The following RAP1GAP2 variants were observed in gnomAD, a reference collection of about 807,000 sequenced individuals.
RAP1GAP2 encodes rap1 GTPase-activating protein 2.
In RAP1GAP2, 27 loss-of-function variants were observed where a neutral mutation model predicts 95.0. That is an observed-to-expected ratio of 0.28 (90% confidence interval 0.21 to 0.39). RAP1GAP2 has a LOEUF of 0.39. RAP1GAP2 is among the 10% of genes least tolerant of loss of function. The probability of loss-of-function intolerance (pLI) is 1.00; values close to 1 mark genes in which losing one functional copy is unlikely to be tolerated. For synonymous variants in RAP1GAP2, 373 were observed against 380.9 expected (o/e 0.98, Z 0.24); for missense variants, 771 against 970.0 (o/e 0.79, Z 2.72).
intron 2 of RAP1GAP2, chr17:2,770,565 C>T (rs190153102): frequency 2.5e-6 from 1 of 397,190 alleles, no homozygotes; most frequent in East Asian, 3.6e-5. Flanking sequence ...ACTTTGCCCT[C>T]AGTGATGGGG....
At chr17:2,901,577 A>G (rs2042027790) in intron 2 of RAP1GAP2, among the ~76,000 whole-genome samples, 1 of 152,168 alleles carries the variant, frequency 6.6e-6, no homozygotes, top group Admixed American at 6.6e-5. Context: ...AGAAGTTGTC[A>G]CCTCGGCTAA....
In RAP1GAP2 at chr17:2,965,267, T is replaced by A; in HGVS notation, c.493-273T>A. 2.1e-6 allele frequency: 1 copy of A among 471,914 alleles called. No individual in the cohort carries two copies. Among genetic ancestry groups the A allele is most frequent in the South Asian group, 2.5e-5 (1 of 40,012 alleles). 29.2% of individuals were successfully genotyped at this position (471,914 alleles called of 1,614,324 possible). The stretch of plus-strand genomic sequence containing the variant: ...GTGACTTAACCCCCCGACCATTGGT[T>A]TTCCCATCTGTGAAATGGGGATGAT... On this transcript the variant is annotated intron_variant, in intron 7 of 24. Coordinates refer to ENST00000254695, the MANE Select transcript of RAP1GAP2 (RefSeq NM_015085.5). This position sits in a 1 kb window ranked among gnomAD's most constrained non-coding sequence, Gnocchi z 4.7.
chr17:2,851,844 G>A (rs1011413510), intron 2 of RAP1GAP2, among the ~76,000 whole-genome samples: 1 of 152,152 alleles, frequency 6.6e-6, no homozygotes, highest in Non-Finnish European at 1.5e-5. Flanking sequence ...GCCTTCCAAA[G>A]TGCTGGGATT....
intron 3 of RAP1GAP2, among the ~76,000 whole-genome samples, chr17:2,941,035 C>T (rs927653497): frequency 6.6e-6 from 1 of 152,132 alleles, no homozygotes; most frequent in Non-Finnish European, 1.5e-5. Context: ...CTCTCTGGAC[C>T]CTGGCAGGGT....
chr17:3,032,541 C>A, intron 24 of RAP1GAP2, 92 bp downstream of exon 24: 1 of 1,278,676 alleles, frequency 7.8e-7, no homozygotes, highest in Non-Finnish European at 1.1e-6. Context: ...CTCAGAATGG[C>A]CGGAGAGATG....
At chr17:3,031,121 C>T (rs2047277359) in intron 23 of RAP1GAP2, 123 bp downstream of exon 23, 11 of 1,108,362 alleles carry the variant, frequency 9.9e-6, no homozygotes, top group Non-Finnish European at 1.4e-5. Context: ...GCAGGGGAAG[C>T]TCTGGGGACG....
chr17:2,807,945 C>T (rs1057188154), intron 2 of RAP1GAP2, among the ~76,000 whole-genome samples: 2 of 152,184 alleles, frequency 1.3e-5, no homozygotes, highest in African/African-American at 4.8e-5. Flanking sequence ...AGACCCTCCG[C>T]TGGCCTGCGC....
At chr17:2,933,080 C>T (rs1439685643) in intron 3 of RAP1GAP2, among the ~76,000 whole-genome samples, 1 of 152,202 alleles carries the variant, frequency 6.6e-6, no homozygotes, top group Admixed American at 6.5e-5. Flanking sequence ...CTGCGGTTTC[C>T]CTCCTCCATG....
chr17:2,999,103 C>T (rs1215309533), intron 14 of RAP1GAP2, among the ~76,000 whole-genome samples: 2 of 152,144 alleles, frequency 1.3e-5, no homozygotes, highest in Non-Finnish European at 2.9e-5. Flanking sequence ...CAAGCAGTCA[C>T]GGGTCTGTCA....
intron 16 of RAP1GAP2, 84 bp downstream of exon 16, chr17:3,006,125 T>C: frequency 1.2e-6 from 1 of 834,638 alleles, no homozygotes; most frequent in African/African-American, 2.0e-5. Context: ...TCCATCTTTT[T>C]TTTTTTTTTT....
At chr17:2,940,109 C>T (rs34082075) in intron 3 of RAP1GAP2, among the ~76,000 whole-genome samples, 10,888 of 152,186 alleles carry the variant, frequency 0.072, 525 homozygotes, top group Non-Finnish European at 0.11. Context: ...GAGGGATGCC[C>T]GTCCAGGCCC....
At chr17:2,875,310 G>A (rs1193601827) in intron 2 of RAP1GAP2, among the ~76,000 whole-genome samples, 1 of 152,122 alleles carries the variant, frequency 6.6e-6, no homozygotes, top group African/African-American at 2.4e-5. Context: ...CAGGTGGTCT[G>A]CCTGCCTCGG....
rs1040014905 is a variant in RAP1GAP2, at chr17:3,014,523, C to T, written c.1495-3538C>T. 8.0e-5 allele frequency among the ~76,000 whole-genome samples: 12 copies of T among 149,176 alleles called. 1 individual carries two copies. Among genetic ancestry groups the T allele is most frequent in the African/African-American group, 3.0e-4 (12 of 40,382 alleles). ...ATGGTGTTGTCAACGCACAAGGGCA[C>T]CAAGAGAATGTAAAGATGCTGATTT... On this transcript the variant is annotated intron_variant, in intron 17 of 24. Coordinates refer to ENST00000254695, the MANE Select transcript of RAP1GAP2 (RefSeq NM_015085.5).
At position 3,031,884 on chromosome 17, in the gene RAP1GAP2, C is replaced by G. The variant is rs954409310; in HGVS notation, c.2185-527C>G. On this transcript the variant is annotated intron_variant, in intron 23 of 24. Coordinates refer to ENST00000254695, the MANE Select transcript of RAP1GAP2 (RefSeq NM_015085.5). ...AGGTCCAGATGTGATGTGGGAAGGG[C>G]TGGTTCCTGGGTCCCGAATCCCTTC... Among the ~76,000 whole-genome samples, 7 of 144,948 alleles carry G rather than the reference C, an allele frequency of 4.8e-5. 1 individual carries two copies. Among genetic ancestry groups the G allele is most frequent in the Admixed American group, 1.4e-4 (2 of 14,720 alleles).
At chr17:2,946,997 C>T (rs374352567) in intron 3 of RAP1GAP2, among the ~76,000 whole-genome samples, 5 of 152,188 alleles carry the variant, frequency 3.3e-5, no homozygotes, top group Non-Finnish European at 5.9e-5. Context: ...CCAGGTGATC[C>T]GCCCGCCTTG....
intron 2 of RAP1GAP2, among the ~76,000 whole-genome samples, chr17:2,845,576 T>C (rs982309426): frequency 2.0e-5 from 3 of 152,216 alleles, no homozygotes; most frequent in Non-Finnish European, 2.9e-5. Flanking sequence ...TTAAAACTTC[T>C]TATCAGCTGG....
chr17:2,908,762 T>C (rs1179748446), intron 3 of RAP1GAP2, among the ~76,000 whole-genome samples: 1 of 152,100 alleles, frequency 6.6e-6, no homozygotes, highest in Non-Finnish European at 1.5e-5. Flanking sequence ...TCACTCAGCC[T>C]GGAGGATAGT....
At chr17:2,760,621 G>A (rs1389973135) in intron 1 of RAP1GAP2, among the ~76,000 whole-genome samples, 5 of 151,608 alleles carry the variant, frequency 3.3e-5, no homozygotes, top group Admixed American at 6.6e-5. Flanking sequence ...GATTACAGGC[G>A]TGAGCCACCG....
rs557783287 is a variant in RAP1GAP2, at chr17:2,760,119, C to T, written c.50+4352C>T. Among the ~76,000 whole-genome samples, 7 of 151,490 alleles carry T rather than the reference C, an allele frequency of 4.6e-5. No individual in the cohort carries two copies. The South Asian group carries it at 1.5e-3, about 32-fold the overall frequency. ...CCATCCTGGCTAACACGGTGAAACC[C>T]CGTCTCTACCAAAAATACAAAAAAT... On this transcript the variant is annotated intron_variant, in intron 1 of 25. Transcript: ENST00000637138.
Sources: gnomAD v4.1 joint callset for allele counts (sites outside exome capture counted in the v4.1 genomes callset) on GRCh38, gnomAD v4.1.1 for gene constraint, Gnocchi (gnomAD v3.1) non-coding constraint, MANE v1.5 for transcripts, NCBI Gene and HGNC (gene_info 2026-07-23, HGNC 2026-07-21) for gene names.